The following MRI1 variants were observed in gnomAD, a reference collection of about 807,000 sequenced individuals.
MRI1 encodes methylthioribose-1-phosphate isomerase 1.
Under a neutral mutation model 27.3 loss-of-function variants are expected in MRI1, and 32 were observed. The observed-to-expected ratio is 1.17, with a 90% confidence interval of 0.88 to 1.57. MRI1 has a LOEUF of 1.57. Among genes scored for constraint, MRI1 ranks in the 40% most tolerant of loss-of-function variants. The probability of loss-of-function intolerance (pLI) is 0.00; values close to 1 mark genes in which losing one functional copy is unlikely to be tolerated. For missense variants in MRI1, 508 were observed against 516.1 expected (o/e 0.98, Z 0.15); for synonymous variants, 216 against 227.4 (o/e 0.95, Z 0.45).
rs1235117179 is a variant in MRI1, at chr19:13,772,595, G to A, written c.*314G>A. ...TGTAATCCCAGCACTTTGGGAGGCCGAGGCAGGTGGATCACAAGATCAGGA... is the reference window on the plus strand; with the variant it reads ...TGTAATCCCAGCACTTTGGGAGGCCAAGGCAGGTGGATCACAAGATCAGGA... On this transcript the variant is annotated 3_prime_UTR_variant, in exon 6 of 6. Transcript: ENST00000040663. 2.2e-5 allele frequency: 4 copies of A among 178,374 alleles called. No homozygotes were observed. The highest frequency in any genetic ancestry group is 1.2e-3 in the Middle Eastern group (2 of 1,686). 11.0% of individuals were successfully genotyped at this position (178,374 alleles called of 1,614,324 possible).
chr19:13,765,807 G>C (rs1974108905), intron 2 of MRI1, 147 bp from the exon 3 acceptor site: 1 of 790,296 alleles, frequency 1.3e-6, no homozygotes, highest in Admixed American at 2.8e-5. Context: ...GTGACACTTC[G>C]GTGGCCCTGG....
At chr19:13,768,420 C>T (rs903552392) in intron 3 of MRI1, 141 bp from the exon 4 acceptor site, 13 of 1,552,178 alleles carry the variant, frequency 8.4e-6, no homozygotes, top group Admixed American at 3.9e-5. Context: ...ACTGCCACTG[C>T]GAGGGCCCCT....
In MRI1 at chr19:13,765,064, G is replaced by T. The variant is rs1974089597; in HGVS notation, c.326G>T (p.Arg109Leu). 2 of 1,523,822 alleles carry T rather than the reference G, an allele frequency of 1.3e-6. No individual in the cohort carries two copies. Among genetic ancestry groups the T allele is most frequent in the East Asian group, 2.6e-5 (1 of 38,902 alleles). 94.4% of individuals were successfully genotyped at this position (1,523,822 alleles called of 1,614,324 possible). Residue 109 changes from arginine (R) to leucine (L), a missense_variant, in exon 2 of 6, where the codon CGG becomes CTG. Coordinates refer to ENST00000040663, the MANE Select transcript of MRI1 (RefSeq NM_001031727.4). ...AARDLADVAA[R>L]EAEREGATEE... Reference sequence around the variant, plus strand: ...CGCGACCTGGCTGATGTTGCAGCCCGGGAGGCCGAACGGGAGGGCGCTACG... The same window carrying T: ...CGCGACCTGGCTGATGTTGCAGCCCTGGAGGCCGAACGGGAGGGCGCTACG...
At position 13,764,917 on chromosome 19, in the gene MRI1, C is replaced by T. The variant is rs1464718359; in HGVS notation, c.179C>T (p.Ala60Val). ...AIALVGCLSL[A>V]VELQAGAGGP... ...GCCCTGGTGGGCTGTCTCAGCCTCG[C>T]CGTGGAGCTGCAGGCGGGCGCCGGG... Residue 60 changes from alanine (A) to valine (V), a missense_variant, in exon 2 of 6, where the codon GCC (alanine) becomes GTC (valine). By Grantham distance (64) the Ala-to-Val change is moderately conservative. Coordinates refer to ENST00000040663, the MANE Select transcript of MRI1 (RefSeq NM_001031727.4). 1.3e-6 allele frequency: 2 copies of T among 1,486,286 alleles called. No individual in the cohort carries two copies. The highest frequency in any genetic ancestry group is 1.3e-5 in the South Asian group (1 of 77,814). 92.1% of individuals were successfully genotyped at this position (1,486,286 alleles called of 1,614,324 possible). A position where few individuals can be genotyped will look rare whatever the true frequency, so the allele number is the denominator to read the frequency against.
chr19:13,767,507 C>T (rs1433341834), intron 3 of MRI1, among the ~76,000 whole-genome samples: 1 of 152,010 alleles, frequency 6.6e-6, no homozygotes, highest in Non-Finnish European at 1.5e-5. Flanking sequence ...CTAGACCAGC[C>T]TTTGCAACAC....
intron 3 of MRI1, among the ~76,000 whole-genome samples, chr19:13,767,052 T>C (rs1325103743): frequency 1.2e-5 from 1 of 84,854 alleles, no homozygotes; most frequent in East Asian, 2.8e-4. Flanking sequence ...TTTTTTTTTT[T>C]TTTTTTTTTT....
chr19:13,766,953 G>A (rs1974137491), intron 3 of MRI1, among the ~76,000 whole-genome samples: 1 of 143,372 alleles, frequency 7.0e-6, no homozygotes, highest in South Asian at 2.2e-4. Flanking sequence ...ATCCATGGAT[G>A]CTCAAGTCTC....
Position 13,764,546 on chromosome 19 carries a change from C to T in MRI1, c.-43C>T, listed in dbSNP as rs562164913. The T allele has an allele frequency of 8.2e-6, 13 of 1,593,920 alleles. 1 individual carries two copies. The highest frequency in any genetic ancestry group is 6.7e-5 in the Admixed American group (4 of 59,468). ...CGCCCCGCTCCCAAGTGCGCGCGGA[C>T]CCCTAGCTCCCTCTGAGTTGCGCTG... is the stretch of plus-strand genomic sequence containing the variant. On this transcript the variant is annotated 5_prime_UTR_variant, in exon 1 of 6. Coordinates refer to ENST00000040663, the MANE Select transcript of MRI1 (RefSeq NM_001031727.4).
chr19:13,771,541 A>G (rs1974268704), intron 5 of MRI1, among the ~76,000 whole-genome samples: 1 of 151,974 alleles, frequency 6.6e-6, no homozygotes, highest in African/African-American at 2.4e-5. Flanking sequence ...AAAAATAATA[A>G]TAATAATTAA....
intron 5 of MRI1, among the ~76,000 whole-genome samples, chr19:13,771,123 T>G (rs933524415): frequency 6.7e-5 from 10 of 149,252 alleles, no homozygotes; most frequent in African/African-American, 2.2e-4. Context: ...TTTGGGAGGC[T>G]GAGGCGGGCG....
rs1014760724 is a variant in MRI1, at chr19:13,769,692, C to T, written c.949+644C>T. ...ATCCCAGCACTTTGGGAGGCCGAGGCGGGCAGATCACAAGGTCAGGAGTTC... is the reference window on the plus strand; with the variant it reads ...ATCCCAGCACTTTGGGAGGCCGAGGTGGGCAGATCACAAGGTCAGGAGTTC... On this transcript the variant is annotated intron_variant, in intron 5 of 5. Coordinates refer to ENST00000040663, the MANE Select transcript of MRI1 (RefSeq NM_001031727.4). Among the ~76,000 whole-genome samples, 16 of 151,748 alleles carry T rather than the reference C, an allele frequency of 1.1e-4. No homozygotes were observed. In the South Asian group the frequency reaches 1.9e-3, roughly 18 times the overall value.
intron 3 of MRI1, among the ~76,000 whole-genome samples, chr19:13,767,861 CTTTTTTT>C (rs1170108927): frequency 5.4e-4 from 33 of 61,084 alleles, no homozygotes; most frequent in Admixed American, 9.3e-4. Flanking sequence ...TCTTTCTTTC[CTTTTTTT>C]TTTTTTTTTT....
rs557316923 is a variant in MRI1 at position 13,769,106 on chromosome 19, G to T, written c.949+58G>T. ...GCTCCTGGGCACTTCATGGAGGCAG[G>T]TGATATGCAGGTCCTTGTCATCCTT... is the stretch of plus-strand genomic sequence containing the variant. On this transcript the variant is annotated intron_variant, in intron 5 of 5. Transcript: ENST00000040663. 3.7e-4 allele frequency: 509 copies of T among 1,387,766 alleles called. No individual in the cohort carries two copies. In the African/African-American group the frequency reaches 6.5e-3, roughly 18 times the overall value. 86.0% of individuals were successfully genotyped at this position (1,387,766 alleles called of 1,614,324 possible). A position where few individuals can be genotyped will look rare whatever the true frequency, so the allele number is the denominator to read the frequency against.
chr19:13,765,209 C>T, intron 2 of MRI1, 100 bp downstream of exon 2: 4 of 1,020,350 alleles, frequency 3.9e-6, no homozygotes, highest in South Asian at 4.0e-5. Context: ...TGAGGCACGG[C>T]GACCTTAAGT....
chr19:13,764,625 C>T lies in MRI1; in HGVS notation c.37C>T (p.Leu13=), dbSNP rs759306075. ...GGCGATCCGCTACTCGCGGGGCTCC[C>T]TGCAGATCCTAGACCAGCTGCTGCT... is the stretch of plus-strand genomic sequence containing the variant. The part of the protein sequence containing the change: ...LEAIRYSRGS[L]QILDQLLLPK... Residue 13 remains leucine, a synonymous_variant, in exon 1 of 6, where the codon CTG becomes TTG. Coordinates refer to ENST00000040663, the MANE Select transcript of MRI1 (RefSeq NM_001031727.4). 1.2e-6 allele frequency: 2 copies of T among 1,609,570 alleles called. No homozygotes were observed. Among genetic ancestry groups the T allele is most frequent in the Non-Finnish European group, 1.7e-6 (2 of 1,179,336 alleles).
Position 13,768,882 on chromosome 19 carries a change from C to T in MRI1, c.783C>T (p.Gly261=). The part of the protein sequence containing the change: ...VANGDTANKV[G]TYQLAIVAKH... Reference sequence around the variant, plus strand: ...ACGGCGACACAGCCAACAAGGTGGGCACCTACCAGCTGGCCATTGTCGCCA... The same window carrying T: ...ACGGCGACACAGCCAACAAGGTGGGTACCTACCAGCTGGCCATTGTCGCCA... The change falls in exon 5 of 6, where the codon GGC becomes GGT. Residue 261 remains glycine, a synonymous_variant. Coordinates refer to ENST00000040663, the MANE Select transcript of MRI1 (RefSeq NM_001031727.4). 6.2e-7 allele frequency: 1 copy of T among 1,613,850 alleles called. No individual in the cohort carries two copies. Among genetic ancestry groups the T allele is most frequent in the East Asian group, 2.2e-5 (1 of 44,884 alleles).
In MRI1 at chr19:13,768,719, G is replaced by A. The variant is rs1256810820; in HGVS notation, c.706G>A (p.Ala236Thr). Residue 236 changes from alanine to threonine, a missense_variant, in exon 4 of 6, where the codon GCC becomes ACC. Ala to Thr is a moderately conservative substitution (Grantham distance 58, BLOSUM62 0). Coordinates refer to ENST00000040663, the MANE Select transcript of MRI1 (RefSeq NM_001031727.4). ...ITDSMVAAAM[A>T]HRGVSAVVVG... ...CGACAGCATGGTGGCTGCTGCCATG[G>A]CCCATAGGGGCGTGTCAGGTAAGCA... 1 of 1,613,270 alleles carries A rather than the reference G, an allele frequency of 6.2e-7. No homozygotes were observed. Among genetic ancestry groups the A allele is most frequent in the Non-Finnish European group, 8.5e-7 (1 of 1,179,740 alleles).
rs1568313061 is a variant in MRI1 at position 13,772,860 on chromosome 19, AAAAAAAT to A, written c.*590_*596del. The A allele has an allele frequency of 6.6e-6, 1 of 151,446 alleles. No individual in the cohort carries two copies. Among genetic ancestry groups the A allele is most frequent in the African/African-American group, 2.4e-5 (1 of 41,036 alleles). 9.4% of individuals were successfully genotyped at this position (151,446 alleles called of 1,614,324 possible). On this transcript the variant is annotated 3_prime_UTR_variant, in exon 6 of 6. Coordinates refer to ENST00000040663, the MANE Select transcript of MRI1 (RefSeq NM_001031727.4). ...AATATAATTAATTAATTATTTAATT[AAAAAAAT>A]AAAAAATAAATGTGGATAATACTAG...
rs770656872 is a variant in MRI1, at chr19:13,768,649, G to T, written c.636G>T (p.Thr212=). 33 of 1,613,882 alleles carry T rather than the reference G, an allele frequency of 2.0e-5. No homozygotes were observed. Among genetic ancestry groups the T allele is most frequent in the Non-Finnish European group, 2.7e-5 (32 of 1,179,972 alleles). ...TRPYNQGARL[T]AFELVYEQIP... ...CCTACAACCAGGGAGCCCGGCTGAC[G>T]GCCTTTGAGCTGGTCTATGAGCAGA... The change falls in exon 4 of 6, where the codon ACG becomes ACT. Residue 212 remains threonine (T), a synonymous_variant. Coordinates refer to ENST00000040663, the MANE Select transcript of MRI1 (RefSeq NM_001031727.4).
Sources: allele counts gnomAD v4.1 joint callset (sites outside exome capture counted in the v4.1 genomes callset), GRCh38; gene constraint gnomAD v4.1.1; transcripts MANE v1.5; gene names NCBI Gene and HGNC (gene_info 2026-07-23, HGNC 2026-07-21).